The following CA10 variants were observed in gnomAD, a reference collection of about 807,000 sequenced individuals.
CA10 encodes the protein carbonic anhydrase-related protein 10.
In CA10, 14 loss-of-function variants were observed where a neutral mutation model predicts 44.2. That is an observed-to-expected ratio of 0.32 (90% CI 0.21 to 0.50). CA10 has a LOEUF of 0.50. Ranked by LOEUF, CA10 falls within the 20% of genes least tolerant of loss-of-function variation. CA10 has a pLI of 0.99. For synonymous variants in CA10, 159 were observed against 141.6 expected (o/e 1.12, Z -0.87); for missense variants, 350 against 409.7 (o/e 0.85, Z 1.26).
chr17:52,139,952 A>G (rs528555642), intron 1 of CA10, among the ~76,000 whole-genome samples: 1 of 152,258 alleles, frequency 6.6e-6, no homozygotes, highest in South Asian at 2.1e-4. Flanking sequence ...AATAAAATCA[A>G]CTTCATGTTT....
At chr17:51,762,227 G>A (rs1303169144) in intron 3 of CA10, 1 of 152,262 alleles carries the variant, frequency 6.6e-6, no homozygotes. Context: ...CATGCCTGGT[G>A]AGCTGCTGTA....
chr17:51,978,366 CTGTGTGTGTGTCTGTA>C (rs1984531866), intron 2 of CA10, among the ~76,000 whole-genome samples: 1 of 149,880 alleles, frequency 6.7e-6, no homozygotes, highest in Non-Finnish European at 1.5e-5. Flanking sequence ...ATACTCATAT[CTGTGTGTGTGTCTGTA>C]TGTGTGTGTG....
chr17:51,683,587 T>C (rs1176083862), intron 4 of CA10, among the ~76,000 whole-genome samples: 2 of 152,198 alleles, frequency 1.3e-5, no homozygotes, highest in Non-Finnish European at 2.9e-5. Context: ...TTTTGTGCAA[T>C]ACGTAAAGCT....
At chr17:51,722,335 C>T (rs1348887023) in intron 4 of CA10, among the ~76,000 whole-genome samples, 1 of 151,998 alleles carries the variant, frequency 6.6e-6, no homozygotes. Context: ...TGGCCTAATT[C>T]CAGTGGCCCA....
chr17:52,151,889 G>A (rs1024690190), intron 1 of CA10, among the ~76,000 whole-genome samples: 13 of 152,054 alleles, frequency 8.5e-5, no homozygotes, highest in African/African-American at 3.1e-4. Context: ...GAATTCACAC[G>A]TCTGCCTATC....
chr17:51,828,645 A>T (rs992294784), intron 3 of CA10, among the ~76,000 whole-genome samples: 4 of 152,202 alleles, frequency 2.6e-5, no homozygotes, highest in African/African-American at 4.8e-5. Flanking sequence ...CACCATTGAA[A>T]CAAATATAAA....
At chr17:51,943,415 A>G (rs201432450) in intron 2 of CA10, among the ~76,000 whole-genome samples, 28 of 152,338 alleles carry the variant, frequency 1.8e-4, no homozygotes, top group South Asian at 6.2e-4. Context: ...GACTGACCAA[A>G]AGTAAATATC....
intron 2 of CA10, among the ~76,000 whole-genome samples, chr17:52,024,045 C>A (rs564240844): frequency 6.6e-6 from 1 of 152,046 alleles, no homozygotes; most frequent in Non-Finnish European, 1.5e-5. Flanking sequence ...ATTATCTCAG[C>A]GAACATGACT....
At chr17:51,995,790 A>C (rs1985214289) in intron 2 of CA10, among the ~76,000 whole-genome samples, 1 of 152,078 alleles carries the variant, frequency 6.6e-6, no homozygotes, top group African/African-American at 2.4e-5. Context: ...AAACTTTTCC[A>C]GTGGCTGACT....
At position 51,717,829 on chromosome 17, in the gene CA10, GTATATATATA is replaced by G. The variant is rs55932655; in HGVS notation, c.465+29794_465+29803del. Among the ~76,000 whole-genome samples, 11 of 7,918 alleles carry G rather than the reference GTATATATATA, an allele frequency of 1.4e-3. 2 individuals are homozygous for G. The highest frequency in any genetic ancestry group is 2.7e-3 in the African/African-American group (8 of 2,962). 5.2% of individuals were successfully genotyped at this position (7,918 alleles called of 152,430 possible). A position where few individuals can be genotyped will look rare whatever the true frequency, so the allele number is the denominator to read the frequency against. ...TATATACACGTATATATATGTGTGT[GTATATATATA>G]TATATATATATATATATATATATAT... On this transcript the variant is annotated intron_variant, in intron 4 of 8. Coordinates refer to ENST00000451037, the MANE Select transcript of CA10 (RefSeq NM_020178.5).
chr17:51,803,549 T>A (rs1055633271), intron 3 of CA10, among the ~76,000 whole-genome samples: 1 of 152,198 alleles, frequency 6.6e-6, no homozygotes, highest in African/African-American at 2.4e-5. Context: ...ATTTCTACCT[T>A]TTTTGGGTGG....
intron 2 of CA10, among the ~76,000 whole-genome samples, chr17:51,948,715 C>A (rs1344508030): frequency 1.3e-5 from 2 of 152,070 alleles, no homozygotes; most frequent in Non-Finnish European, 2.9e-5. Context: ...CCTCTAATAT[C>A]CAATTAAACA....
intron 3 of CA10, among the ~76,000 whole-genome samples, chr17:51,929,341 T>C (rs1387496265): frequency 6.6e-6 from 1 of 152,160 alleles, no homozygotes; most frequent in African/African-American, 2.4e-5. Flanking sequence ...AATCTGTACT[T>C]TATCTAAAAC....
chr17:51,638,542 C>T (rs746982321), intron 6 of CA10, among the ~76,000 whole-genome samples: 1 of 152,198 alleles, frequency 6.6e-6, no homozygotes, highest in South Asian at 2.1e-4. Context: ...GCACACACGA[C>T]GTGAGGGACC....
At chr17:51,899,407 G>A (rs1007101745) in intron 3 of CA10, among the ~76,000 whole-genome samples, 2 of 151,948 alleles carry the variant, frequency 1.3e-5, no homozygotes, top group Non-Finnish European at 2.9e-5. Flanking sequence ...GATTGCACTG[G>A]GGTATGAGAG....
intron 1 of CA10, among the ~76,000 whole-genome samples, chr17:52,149,617 C>A (rs568717797): frequency 1.4e-4 from 22 of 152,312 alleles, no homozygotes; most frequent in African/African-American, 5.3e-4. Context: ...TTACAGAAAA[C>A]CTTCACTAAT....
intron 6 of CA10, among the ~76,000 whole-genome samples, chr17:51,640,363 C>A (rs528071148): frequency 2.6e-5 from 4 of 152,154 alleles, no homozygotes; most frequent in Admixed American, 2.6e-4. Flanking sequence ...ATGCTGCCTA[C>A]CATCTCCCCC....
At chr17:51,773,529 T>A (rs1347269866) in intron 3 of CA10, among the ~76,000 whole-genome samples, 1 of 152,238 alleles carries the variant, frequency 6.6e-6, no homozygotes, top group Non-Finnish European at 1.5e-5. Context: ...AGGATCTCAC[T>A]GGGCCTTTGA....
intron 4 of CA10, among the ~76,000 whole-genome samples, chr17:51,675,024 A>G (rs974547362): frequency 3.9e-5 from 6 of 152,212 alleles, no homozygotes; most frequent in Admixed American, 1.3e-4. Context: ...TCTTCAGCAC[A>G]CAGCCTGTTG....
Sources: allele counts gnomAD v4.1 joint callset (sites outside exome capture counted in the v4.1 genomes callset), GRCh38; gene constraint gnomAD v4.1.1; transcripts MANE v1.5; gene names NCBI Gene and HGNC (gene_info 2026-07-23, HGNC 2026-07-21).